The following PTPN13 variants were observed in gnomAD, a reference collection of about 807,000 sequenced individuals.
PTPN13 encodes the protein tyrosine-protein phosphatase non-receptor type 13.
Under a neutral mutation model 284.0 loss-of-function variants are expected in PTPN13, and 191 were observed. The ratio of observed to expected loss-of-function variants is 0.67; its 90% CI spans 0.60 to 0.76. The LOEUF is 0.76. Among genes scored for constraint, PTPN13 ranks in the 30% least tolerant of loss-of-function variants. The probability of loss-of-function intolerance (pLI) is 0.00; values close to 1 mark genes in which losing one functional copy is unlikely to be tolerated. For missense variants in PTPN13, 2,797 were observed against 2,939.9 expected (o/e 0.95, Z 1.12); for synonymous variants, 986 against 1,022.3 (o/e 0.96, Z 0.68).
intron 3 of PTPN13, among the ~76,000 whole-genome samples, chr4:86,672,990 A>G (rs1727877500): frequency 6.6e-6 from 1 of 152,208 alleles, no homozygotes. Flanking sequence ...ATCATCAGGC[A>G]TTAGATTCTC....
chr4:86,650,609 A>G (rs1008608282), intron 2 of PTPN13, among the ~76,000 whole-genome samples: 1 of 152,170 alleles, frequency 6.6e-6, no homozygotes, highest in African/African-American at 2.4e-5. Context: ...AGCCTGTTTT[A>G]TAGTTTTAAT....
At chr4:86,623,165 C>T (rs753759629) in intron 1 of PTPN13, among the ~76,000 whole-genome samples, 1 of 152,088 alleles carries the variant, frequency 6.6e-6, no homozygotes, top group Non-Finnish European at 1.5e-5. Flanking sequence ...GAAAACCTCC[C>T]GGGGGTCTGC....
chr4:86,630,714 C>T (rs551636799), intron 1 of PTPN13, among the ~76,000 whole-genome samples: 2 of 152,254 alleles, frequency 1.3e-5, no homozygotes, highest in South Asian at 4.1e-4. Flanking sequence ...GTTCTTGAAA[C>T]AGCATGTTTC....
intron 17 of PTPN13, among the ~76,000 whole-genome samples, chr4:86,749,760 C>G (rs1737177885): frequency 6.6e-6 from 1 of 152,174 alleles, no homozygotes; most frequent in Non-Finnish European, 1.5e-5. Flanking sequence ...GATACTGAAA[C>G]AGACAGATTA....
intron 2 of PTPN13, among the ~76,000 whole-genome samples, chr4:86,657,702 C>T (rs1726016878): frequency 6.6e-6 from 1 of 152,200 alleles, no homozygotes; most frequent in South Asian, 2.1e-4. Context: ...GTGGTGAATC[C>T]TGCTGGGACT....
intron 12 of PTPN13, 76 bp downstream of exon 12, chr4:86,732,842 C>A: frequency 1.6e-6 from 2 of 1,287,662 alleles, no homozygotes; most frequent in South Asian, 1.7e-5. Context: ...TGTTACCATG[C>A]CTGACCTCAT....
intron 4 of PTPN13, among the ~76,000 whole-genome samples, chr4:86,688,650 C>G (rs1046966573): frequency 2.4e-4 from 36 of 151,956 alleles, no homozygotes; most frequent in African/African-American, 8.4e-4. Flanking sequence ...TATTAGGAAA[C>G]AGTTTATTCC....
chr4:86,636,960 GA>G (rs1723095191), intron 2 of PTPN13, among the ~76,000 whole-genome samples: 1 of 150,902 alleles, frequency 6.6e-6, no homozygotes, highest in South Asian at 2.1e-4. Context: ...AAAGAGAGAA[GA>G]ATCAAATAGA....
In PTPN13 at chr4:86,672,623, A is replaced by G. The variant is rs1727839048; in HGVS notation, c.294+80A>G. ...AAAGACAATGGGCTACCATGTTTCA[A>G]CCCTCTGAAAAATCTATTGAGTTTT... On this transcript the variant is annotated intron_variant, in intron 3 of 47. Transcript: ENST00000411767. 7.1e-6 allele frequency: 8 copies of G among 1,128,826 alleles called. No homozygotes were observed. The East Asian group carries it at 1.9e-4, about 27-fold the overall frequency. 69.9% of individuals were successfully genotyped at this position (1,128,826 alleles called of 1,614,324 possible). A position where few individuals can be genotyped will look rare whatever the true frequency, so the allele number is the denominator to read the frequency against.
At chr4:86,791,029 C>T (rs1046169989) in intron 40 of PTPN13, among the ~76,000 whole-genome samples, 27 of 152,050 alleles carry the variant, frequency 1.8e-4, no homozygotes, top group Admixed American at 1.8e-3. Flanking sequence ...TGGGCTGAAG[C>T]AGGGTGGGGC....
intron 3 of PTPN13, among the ~76,000 whole-genome samples, chr4:86,682,052 A>G (rs1315177105): frequency 1.3e-5 from 2 of 152,216 alleles, no homozygotes; most frequent in African/African-American, 2.4e-5. Context: ...ATATAATAAT[A>G]TCTATTAGCT....
chr4:86,669,348 T>C (rs1022570795), intron 2 of PTPN13, among the ~76,000 whole-genome samples: 3 of 146,764 alleles, frequency 2.0e-5, no homozygotes, highest in Admixed American at 6.8e-5. Context: ...CTTTAAATGT[T>C]CAATAAAAGC....
chr4:86,658,774 A>G (rs1028361772), intron 2 of PTPN13, among the ~76,000 whole-genome samples: 3 of 152,148 alleles, frequency 2.0e-5, no homozygotes, highest in Non-Finnish European at 4.4e-5. Context: ...AAATATATAG[A>G]TCTTCAAATT....
intron 2 of PTPN13, among the ~76,000 whole-genome samples, chr4:86,639,670 G>A (rs534467055): frequency 6.6e-6 from 1 of 151,778 alleles, no homozygotes; most frequent in Admixed American, 6.6e-5. Flanking sequence ...CACACTCTGG[G>A]GACTGTTGTG....
At chr4:86,674,473 AGT>A (rs1239768723) in intron 3 of PTPN13, among the ~76,000 whole-genome samples, 2 of 152,084 alleles carry the variant, frequency 1.3e-5, no homozygotes, top group Admixed American at 6.5e-5. Flanking sequence ...AATGTGTATG[AGT>A]GTGTGTGTGG....
rs535620895 is a variant in PTPN13 at position 86,736,353 on chromosome 4, C to T, written c.2304+607C>T. Among the ~76,000 whole-genome samples the T allele has an allele frequency of 1.2e-3, 181 of 152,258 alleles. No individual in the cohort carries two copies. In the Middle Eastern group the frequency reaches 0.017, roughly 14 times the overall value. ...TTATGTAAACTTCCAATGCAAATAG[C>T]AAATATAAGATAGTGTTCTGTTGAA... On this transcript the variant is annotated intron_variant, in intron 15 of 47. Coordinates refer to ENST00000411767, the MANE Select transcript of PTPN13 (RefSeq NM_080683.3).
intron 28 of PTPN13, 88 bp downstream of exon 28, chr4:86,768,064 G>T (rs1357327782): frequency 1.6e-6 from 2 of 1,218,444 alleles, no homozygotes; most frequent in Non-Finnish European, 2.3e-6. Context: ...TACAGTTAAT[G>T]CCCTAGTTTT....
Position 86,741,675 on chromosome 4 carries a change from A to G in PTPN13, c.2346A>G (p.Arg782=). 1.2e-6 allele frequency: 2 copies of G among 1,613,762 alleles called. No individual in the cohort carries two copies. Among genetic ancestry groups the G allele is most frequent in the Non-Finnish European group, 1.7e-6 (2 of 1,179,754 alleles). The stretch of plus-strand genomic sequence containing the variant: ...CAGAATATGGAGTTCATTTTCACCG[A>G]GTGCACCCTGAGAAGAAGTCACAAA... ...RLTEYGVHFH[R]VHPEKKSQTG... The change falls in exon 16 of 48, where the codon CGA becomes CGG. Residue 782 remains arginine, a synonymous_variant. Transcript: ENST00000411767.
rs1250655749 is a variant in PTPN13 at position 86,763,107 on chromosome 4, G to T, written c.3934G>T (p.Val1312Leu). 1 of 1,613,454 alleles carries T rather than the reference G, an allele frequency of 6.2e-7. No homozygotes were observed. ...SKTKKPGISD[V>L]TDYSDRGDSD... ...AACTAAAAAGCCAGGCATTTCTGATGTAACTGATTACTCAGACCGTGGAGA... is the reference window on the plus strand; with the variant it reads ...AACTAAAAAGCCAGGCATTTCTGATTTAACTGATTACTCAGACCGTGGAGA... Residue 1312 changes from valine to leucine, a missense_variant, in exon 24 of 48, where the codon GTA becomes TTA. Transcript: ENST00000411767.
Sources: allele counts gnomAD v4.1 joint callset (sites outside exome capture counted in the v4.1 genomes callset), GRCh38; gene constraint gnomAD v4.1.1; transcripts MANE v1.5; gene names NCBI Gene and HGNC (gene_info 2026-07-23, HGNC 2026-07-21).